Variants in TICRR observed in about 807,000 individuals in gnomAD.
TICRR encodes the protein TOPBP1 interacting checkpoint and replication regulator.
In TICRR, 132 loss-of-function variants were observed where a neutral mutation model predicts 178.1. That is an observed-to-expected ratio of 0.74 (90% CI 0.64 to 0.86). TICRR has a LOEUF of 0.86. TICRR is among the 40% of genes least tolerant of loss of function. The pLI, the probability that TICRR is intolerant of heterozygous loss-of-function variation, is 0.00. For synonymous variants in TICRR, 991 were observed against 900.7 expected (o/e 1.10, Z -1.79); for missense variants, 2,587 against 2,334.3 (o/e 1.11, Z -2.23).
Position 89,625,260 on chromosome 15 carries a change from C to T in TICRR, c.4950C>T (p.Thr1650=). The T allele has an allele frequency of 6.2e-7, 1 of 1,613,328 alleles. No homozygotes were observed. Among genetic ancestry groups the T allele is most frequent in the Non-Finnish European group, 8.5e-7 (1 of 1,179,356 alleles). ...ACATCTGCCAGGCCTGTACCCCCAC[C>T]CACGGCCCTTCTAGTACCCCCTCTC... ...QTYICQACTP[T]HGPSSTPSPF... Residue 1650 remains threonine, a synonymous_variant, in exon 20 of 22, where the codon ACC becomes ACT. Coordinates refer to ENST00000268138, the MANE Select transcript of TICRR (RefSeq NM_152259.4).
chr15:89,593,185 T>C (rs749358763), intron 5 of TICRR, among the ~76,000 whole-genome samples: 2 of 152,194 alleles, frequency 1.3e-5, no homozygotes, highest in East Asian at 1.9e-4. Flanking sequence ...TAGGAGTGCA[T>C]TGAATCATAG....
Position 89,575,914 on chromosome 15 carries a change from G to A in TICRR, c.328G>A (p.Asp110Asn). Residue 110 changes from aspartate (D) to asparagine (N), a missense_variant, in exon 1 of 22, where the codon GAC becomes AAC. Transcript: ENST00000268138. The part of the protein sequence containing the change: ...THGALMETLL[D>N]YQWDRPEITS... ...CGGCGCCCTGATGGAGACGCTGCTA[G>A]ACTACCAGTGGGACCGGCCCGAGAT... is the stretch of plus-strand genomic sequence containing the variant. The A allele has an allele frequency of 6.3e-7, 1 of 1,592,638 alleles. No individual in the cohort carries two copies. The highest frequency in any genetic ancestry group is 1.1e-5 in the South Asian group (1 of 88,850).
At chr15:89,614,005 T>C (rs1010896187) in intron 15 of TICRR, among the ~76,000 whole-genome samples, 5 of 151,566 alleles carry the variant, frequency 3.3e-5, no homozygotes, top group Non-Finnish European at 7.4e-5. Context: ...ATACAAAAAA[T>C]TAGCCGGGCG....
intron 7 of TICRR, among the ~76,000 whole-genome samples, chr15:89,598,385 G>A (rs921366192): frequency 4.0e-5 from 6 of 148,480 alleles, no homozygotes; most frequent in South Asian, 2.2e-4. Context: ...GTTTTGAGAC[G>A]GAGTTTCACT....
Position 89,583,001 on chromosome 15 carries a change from A to T in TICRR, c.934+36A>T, listed in dbSNP as rs574782480. 211 of 1,450,070 alleles carry T rather than the reference A, an allele frequency of 1.5e-4. No homozygotes were observed. The African/African-American group carries it at 2.2e-3, about 15-fold the overall frequency. The allele number at this position is 1,450,070 out of a possible 1,614,324, so 89.8% of individuals were successfully genotyped here. A position where few individuals can be genotyped will look rare whatever the true frequency, so the allele number is the denominator to read the frequency against. On this transcript the variant is annotated intron_variant, in intron 2 of 21. Coordinates refer to ENST00000268138, the MANE Select transcript of TICRR (RefSeq NM_152259.4). ...AATATTTTAAGGTTTTTTTTTTTTT[A>T]AATCTCAGTTACATTAATTTCTTCA...
chr15:89,602,161 T>C (rs1396634033), intron 12 of TICRR, among the ~76,000 whole-genome samples, 185 bp downstream of exon 12: 1 of 152,224 alleles, frequency 6.6e-6, no homozygotes, highest in Non-Finnish European at 1.5e-5. Flanking sequence ...CTTTATATTA[T>C]CTAGGAAATA....
Position 89,575,809 on chromosome 15 carries a change from G to A in TICRR, c.223G>A (p.Asp75Asn), listed in dbSNP as rs1285263442. The A allele has an allele frequency of 1.9e-6, 3 of 1,603,276 alleles. No homozygotes were observed. In the South Asian group the frequency reaches 3.3e-5, roughly 18 times the overall value. ...FRELGSRSWE[D>N]FEEELEARLE... Reference sequence around the variant, plus strand: ...CGAGCTGGGGTCCCGCTCGTGGGAGGACTTTGAGGAGGAGCTGGAGGCCAG... The same window carrying A: ...CGAGCTGGGGTCCCGCTCGTGGGAGAACTTTGAGGAGGAGCTGGAGGCCAG... Residue 75 changes from aspartate (D) to asparagine (N), a missense_variant, in exon 1 of 22, where the codon GAC becomes AAC. Coordinates refer to ENST00000268138, the MANE Select transcript of TICRR (RefSeq NM_152259.4).
chr15:89,597,379 C>T (rs115642366), intron 7 of TICRR, among the ~76,000 whole-genome samples: 1 of 151,924 alleles, frequency 6.6e-6, no homozygotes, highest in African/African-American at 2.4e-5. Flanking sequence ...CAAAAATTAG[C>T]CAGGCGTGGT....
chr15:89,602,331 A>T (rs1963112152), intron 12 of TICRR, among the ~76,000 whole-genome samples: 1 of 152,214 alleles, frequency 6.6e-6, no homozygotes, highest in South Asian at 2.1e-4. Context: ...ATGTTCCAGC[A>T]TTGTTACTGA....
chr15:89,589,168 G>C (rs62023130), intron 4 of TICRR, among the ~76,000 whole-genome samples: 7,288 of 152,254 alleles, frequency 0.048, 218 homozygotes, highest in East Asian at 0.096. Flanking sequence ...GAGACGGAAG[G>C]AGCAGTGAGG....
chr15:89,602,011 C>T (rs1474474507), intron 12 of TICRR, 35 bp downstream of exon 12: 1 of 1,611,550 alleles, frequency 6.2e-7, no homozygotes, highest in Admixed American at 1.7e-5. Flanking sequence ...ATTATTTGCA[C>T]TGTTATAGTT....
At chr15:89,600,822 A>T (rs1383183775) in intron 9 of TICRR, 137 bp downstream of exon 9, 1 of 509,518 alleles carries the variant, frequency 2.0e-6, no homozygotes, top group African/African-American at 2.0e-5. Flanking sequence ...AAGCAGGAGG[A>T]TTGCTTGCAG....
At chr15:89,587,755 G>C (rs566568276) in intron 4 of TICRR, among the ~76,000 whole-genome samples, 2 of 152,292 alleles carry the variant, frequency 1.3e-5, no homozygotes, top group South Asian at 2.1e-4. Context: ...AGAAGTGTGA[G>C]TGGGAATACG....
chr15:89,576,117 G>C lies in TICRR; in HGVS notation c.531G>C (p.Gln177His). The change falls in exon 1 of 22, where the codon CAG (glutamine) becomes CAC (histidine). Residue 177 changes from glutamine to histidine, a missense_variant. Physicochemically the swap from Gln to His is conservative, Grantham distance 24. Coordinates refer to ENST00000268138, the MANE Select transcript of TICRR (RefSeq NM_152259.4). Reference protein sequence around the residue: ...LLQFVSGCEAQAQRLPPTPKQ... With the variant: ...LLQFVSGCEAHAQRLPPTPKQ... ...AGTTCGTGTCTGGGTGCGAGGCCCA[G>C]GCCCAGCGCCTGCCGCCCACCCCTA... is the stretch of plus-strand genomic sequence containing the variant. The C allele has an allele frequency of 6.2e-7, 1 of 1,610,962 alleles. No homozygotes were observed. The highest frequency in any genetic ancestry group is 8.5e-7 in the Non-Finnish European group (1 of 1,180,004).
In TICRR at chr15:89,602,885, C is replaced by T. The variant is rs752526747; in HGVS notation, c.2657C>T (p.Thr886Met). The change falls in exon 13 of 22, where the codon ACG becomes ATG. Residue 886 changes from threonine (T) to methionine (M), a missense_variant. Transcript: ENST00000268138. ...IEIPKVSKRA[T>M]KKENSHPAPQ... ...ATTCCTAAAGTGTCAAAGAGAGCTA[C>T]GAAAAAAGTAAGTAAACCTTCCAGC... The T allele has an allele frequency of 2.7e-5, 41 of 1,504,582 alleles. No individual in the cohort carries two copies. The highest frequency in any genetic ancestry group is 3.4e-5 in the Non-Finnish European group (38 of 1,125,294). The allele number at this position is 1,504,582 out of a possible 1,614,324, so 93.2% of individuals were successfully genotyped here. A position where few individuals can be genotyped will look rare whatever the true frequency, so the allele number is the denominator to read the frequency against.
rs919848685 is a variant in TICRR, at chr15:89,594,482, C to A, written c.1609C>A (p.Leu537Ile). 1.2e-5 allele frequency: 19 copies of A among 1,612,692 alleles called. No individual in the cohort carries two copies. The highest frequency in any genetic ancestry group is 1.5e-5 in the Non-Finnish European group (18 of 1,179,462). The change falls in exon 6 of 22, where the codon CTT becomes ATT. Residue 537 changes from leucine to isoleucine, a missense_variant. Coordinates refer to ENST00000268138, the MANE Select transcript of TICRR (RefSeq NM_152259.4). Reference protein sequence around the residue: ...SKTEGELIHCLAELYQRKSRE... With the variant: ...SKTEGELIHCIAELYQRKSRE... ...AACTGAAGGCGAATTAATACATTGC[C>A]TTGCCGAGCTCTACCAGAGAAAATC...
At chr15:89,603,460 C>G (rs575358998) in intron 13 of TICRR, among the ~76,000 whole-genome samples, 64 of 152,258 alleles carry the variant, frequency 4.2e-4, no homozygotes, top group Middle Eastern at 6.8e-3. Context: ...TGGCACATGC[C>G]TGTAGGCCCA....
intron 19 of TICRR, 84 bp from the exon 20 acceptor site, chr15:89,623,539 C>A: frequency 1.5e-6 from 2 of 1,318,810 alleles, no homozygotes; most frequent in Non-Finnish European, 2.1e-6. Flanking sequence ...ATAAATCTCC[C>A]ATTTGGTCTT....
intron 18 of TICRR, 53 bp downstream of exon 18, chr15:89,619,895 T>C: frequency 6.5e-7 from 1 of 1,546,112 alleles, no homozygotes; most frequent in Non-Finnish European, 8.7e-7. Context: ...TGGTGAGAAG[T>C]GTTTTTGGGA....
Sources: allele counts gnomAD v4.1 joint callset (sites outside exome capture counted in the v4.1 genomes callset), GRCh38; gene constraint gnomAD v4.1.1; transcripts MANE v1.5; gene names NCBI Gene and HGNC (gene_info 2026-07-23, HGNC 2026-07-21).